The following SLC30A7 variants were observed in gnomAD, a reference collection of about 807,000 sequenced individuals.
SLC30A7 encodes zinc transporter 7.
Under a neutral mutation model 46.0 loss-of-function variants are expected in SLC30A7, and 35 were observed. The observed-to-expected ratio is 0.76, with a 90% CI of 0.58 to 1.01. SLC30A7 has a LOEUF of 1.01. SLC30A7 is among the 50% of genes least tolerant of loss of function. The pLI, the probability that SLC30A7 is intolerant of heterozygous loss-of-function variation, is 0.00. For missense variants in SLC30A7, 464 were observed against 451.1 expected (o/e 1.03, Z -0.26); for synonymous variants, 147 against 157.8 (o/e 0.93, Z 0.51).
chr1:100,985,958 C>T (rs770840138), downstream of SLC30A7, among the ~76,000 whole-genome samples: 2 of 152,116 alleles, frequency 1.3e-5, no homozygotes, highest in Non-Finnish European at 2.9e-5. Context: ...ATGTAATAAA[C>T]ACTCAAAATT....
chr1:100,912,305 G>C, intron 5 of SLC30A7, 67 bp downstream of exon 5: 5 of 1,535,656 alleles, frequency 3.3e-6, no homozygotes, highest in Non-Finnish European at 4.5e-6. Context: ...ATTTACTTGA[G>C]AGAATTAAGT....
chr1:100,954,602 C>T (rs944244425), intron 8 of SLC30A7, among the ~76,000 whole-genome samples: 15 of 151,916 alleles, frequency 9.9e-5, no homozygotes, highest in Non-Finnish European at 1.5e-4. Flanking sequence ...TCTAGGGGTA[C>T]CTTAGGACAT....
chr1:100,896,326 A>G lies in SLC30A7; in HGVS notation c.64A>G (p.Ile22Val), dbSNP rs764085917. 2 of 1,614,022 alleles carry G rather than the reference A, an allele frequency of 1.2e-6. No homozygotes were observed. The highest frequency in any genetic ancestry group is 1.3e-5 in the African/African-American group (1 of 74,904). Residue 22 changes from isoleucine to valine, a missense_variant, in exon 1 of 11, where the codon ATC becomes GTC. Transcript: ENST00000357650. ...KPPKFNLFGKISGWFRSILSD... is the reference protein window; with the variant it reads ...KPPKFNLFGKVSGWFRSILSD... ...ACCCAAGTTCAATTTGTTCGGCAAG[A>G]TCTCGGGCTGGTTTAGGTGCGGGGT...
At chr1:100,982,190 C>T (rs906166357), downstream of SLC30A7, among the ~76,000 whole-genome samples, 2 of 152,220 alleles carry the variant, frequency 1.3e-5, no homozygotes, top group African/African-American at 2.4e-5. Context: ...CCACTCATGT[C>T]ACCTTCCTTC....
At chr1:100,902,112 T>C (rs145719394) in intron 2 of SLC30A7, among the ~76,000 whole-genome samples, 1 of 152,278 alleles carries the variant, frequency 6.6e-6, no homozygotes. Context: ...TCCCATGAGT[T>C]TGTGTATTTG....
chr1:100,968,330 G>A (rs12741674), intron 10 of SLC30A7, among the ~76,000 whole-genome samples: 14,554 of 152,012 alleles, frequency 0.096, 762 homozygotes, highest in Middle Eastern at 0.2. Context: ...GTATGGTGGT[G>A]CATGCCTGTA....
intron 9 of SLC30A7, among the ~76,000 whole-genome samples, chr1:100,964,583 A>T (rs1655767718): frequency 6.6e-6 from 1 of 152,034 alleles, no homozygotes; most frequent in African/African-American, 2.4e-5. Flanking sequence ...ACTGTATCAC[A>T]CTGCCCTTTT....
intron 8 of SLC30A7, among the ~76,000 whole-genome samples, chr1:100,928,054 G>A (rs994524673): frequency 6.6e-6 from 1 of 152,122 alleles, no homozygotes; most frequent in Non-Finnish European, 1.5e-5. Flanking sequence ...TGCCCACATG[G>A]ATAATTTAAA....
At chr1:100,972,244 T>C (rs948944386) in intron 10 of SLC30A7, 4 of 314,068 alleles carry the variant, frequency 1.3e-5, no homozygotes, top group African/African-American at 6.9e-5. Flanking sequence ...TGACTTACCA[T>C]AGGATTCTTC....
At chr1:100,940,837 A>G (rs975646979) in intron 8 of SLC30A7, among the ~76,000 whole-genome samples, 1 of 152,190 alleles carries the variant, frequency 6.6e-6, no homozygotes, top group Middle Eastern at 3.2e-3. Flanking sequence ...TTAATCACAA[A>G]TATAGTTTTC....
chr1:100,906,027 G>T lies in SLC30A7; in HGVS notation c.183-825G>T, dbSNP rs1003530722. 2.6e-5 allele frequency among the ~76,000 whole-genome samples: 4 copies of T among 152,062 alleles called. No homozygotes were observed. The South Asian group carries it at 8.3e-4, about 32-fold the overall frequency. On this transcript the variant is annotated intron_variant, in intron 2 of 10. Transcript: ENST00000357650. ...ATGGGCACACCTATTTTTCTGTTTG[G>T]CCGTTAGTATGGGACTTTCGAAACT...
chr1:100,987,615 C>T, the SLC30A7 span, among the ~76,000 whole-genome samples: 17 of 151,318 alleles, frequency 1.1e-4, no homozygotes, highest in Non-Finnish European at 2.5e-4. Flanking sequence ...TCCTTGTCTG[C>T]CAATTCCACC....
At chr1:100,929,148 C>CAT (rs893275070) in intron 8 of SLC30A7, among the ~76,000 whole-genome samples, 4 of 151,676 alleles carry the variant, frequency 2.6e-5, no homozygotes, top group African/African-American at 9.7e-5. Flanking sequence ...AATTAGCATT[C>CAT]ATATATATAG....
chr1:100,969,852 A>G (rs1424535311), intron 10 of SLC30A7, among the ~76,000 whole-genome samples: 2 of 152,146 alleles, frequency 1.3e-5, no homozygotes, highest in Non-Finnish European at 2.9e-5. Context: ...TTGTTTTGTG[A>G]TCACTGCTTT....
intron 10 of SLC30A7, among the ~76,000 whole-genome samples, chr1:100,969,392 T>A (rs554765733): frequency 6.6e-6 from 1 of 152,186 alleles, no homozygotes; most frequent in African/African-American, 2.4e-5. Context: ...TAGTGTGAGC[T>A]TCTGTTGAAT....
At chr1:100,948,011 G>T (rs183677733) in intron 8 of SLC30A7, among the ~76,000 whole-genome samples, 8 of 152,202 alleles carry the variant, frequency 5.3e-5, no homozygotes, top group Non-Finnish European at 1.2e-4. Context: ...CAGTTTGCCA[G>T]TCTGTGTCTT....
At chr1:100,921,049 A>C (rs1652902225) in intron 7 of SLC30A7, among the ~76,000 whole-genome samples, 1 of 152,122 alleles carries the variant, frequency 6.6e-6, no homozygotes, top group African/African-American at 2.4e-5. Context: ...AGTTTTTAGA[A>C]TATCAGTATA....
chr1:100,947,935 T>C (rs1335086874), intron 8 of SLC30A7, among the ~76,000 whole-genome samples: 1 of 152,210 alleles, frequency 6.6e-6, no homozygotes, highest in Admixed American at 6.5e-5. Flanking sequence ...TTTGAGCCGA[T>C]ATGTGTCTCT....
chr1:100,915,228 TCTTTCTTTCTTTCTTTCTTTCTTTCTTC>T (rs1161493581), intron 6 of SLC30A7, among the ~76,000 whole-genome samples: 9 of 148,526 alleles, frequency 6.1e-5, no homozygotes, highest in Admixed American at 3.4e-4. Context: ...TTTCTTTCTT[TCTTTCTTTCTTTCTTTCTTTCTTTCTTC>T]CTTTCTTTCT....
Sources: allele counts gnomAD v4.1 joint callset (sites outside exome capture counted in the v4.1 genomes callset), GRCh38; gene constraint gnomAD v4.1.1; transcripts MANE v1.5; gene names NCBI Gene and HGNC (gene_info 2026-07-23, HGNC 2026-07-21).